The following LRRTM4 variants were observed in gnomAD, a reference collection of about 807,000 sequenced individuals.
LRRTM4 encodes leucine-rich repeat transmembrane neuronal protein 4.
A neutral mutation model predicts 47.6 loss-of-function variants in LRRTM4; 25 were observed. The ratio of observed to expected loss-of-function variants is 0.53; its 90% CI spans 0.38 to 0.73. LRRTM4 has a LOEUF of 0.73. LRRTM4 is among the 30% of genes least tolerant of loss of function. The probability of loss-of-function intolerance (pLI) is 0.00; values close to 1 mark genes in which losing one functional copy is unlikely to be tolerated. For synonymous variants in LRRTM4, 311 were observed against 269.5 expected, an observed-to-expected ratio of 1.15 and a Z score of -1.51; for missense variants, 638 against 713.4, an observed-to-expected ratio of 0.89 and a Z score of 1.20.
intron 3 of LRRTM4, among the ~76,000 whole-genome samples, chr2:77,064,585 G>C (rs116178120): frequency 0.014 from 2,180 of 152,244 alleles, 52 homozygotes; most frequent in African/African-American, 0.05. Flanking sequence ...AGAAGTATGT[G>C]CATATCTTAG....
At chr2:77,279,506 T>C (rs149944406) in intron 3 of LRRTM4, among the ~76,000 whole-genome samples, 34 of 152,110 alleles carry the variant, frequency 2.2e-4, no homozygotes, top group African/African-American at 8.2e-4. Flanking sequence ...ATAATTCATT[T>C]GTTGTTTAGC....
intron 3 of LRRTM4, among the ~76,000 whole-genome samples, chr2:76,794,702 G>GTGACATTT: frequency 6.6e-6 from 1 of 151,880 alleles, no homozygotes; most frequent in African/African-American, 2.4e-5. Context: ...CTTGACATTA[G>GTGACATTT]TGACATTTTT....
intron 3 of LRRTM4, among the ~76,000 whole-genome samples, chr2:77,480,838 A>T (rs1205681007): frequency 0.08 from 3,553 of 44,494 alleles, 70 homozygotes; most frequent in African/African-American, 0.14. Flanking sequence ...AGAGAGAGAG[A>T]GAGAGAGAGA....
intron 3 of LRRTM4, among the ~76,000 whole-genome samples, chr2:76,807,395 T>TATGTATATACGTATATATATATATATAC (rs1670523099): frequency 5.0e-5 from 6 of 120,086 alleles, no homozygotes; most frequent in South Asian, 5.0e-4. Flanking sequence ...TATATATATA[T>TATGTATATACGTATATATATATATATAC]ATATGTATAT....
At chr2:76,860,600 T>G (rs2104006939) in intron 3 of LRRTM4, among the ~76,000 whole-genome samples, 1 of 152,124 alleles carries the variant, frequency 6.6e-6, no homozygotes, top group Non-Finnish European at 1.5e-5. Context: ...ATAGGCTCAC[T>G]TAGGAGACCC....
intron 3 of LRRTM4, chr2:77,009,922 C>T (rs1033071913): frequency 9.3e-5 from 14 of 151,224 alleles, no homozygotes; most frequent in African/African-American, 2.9e-4. Context: ...GACAGTGTAC[C>T]GACAGTCTTC....
At chr2:77,408,173 T>C (rs1174014141) in intron 3 of LRRTM4, among the ~76,000 whole-genome samples, 1 of 152,202 alleles carries the variant, frequency 6.6e-6, no homozygotes, top group Non-Finnish European at 1.5e-5. Flanking sequence ...TCCTATCCTT[T>C]AATCCTGCCC....
intron 3 of LRRTM4, among the ~76,000 whole-genome samples, chr2:77,297,832 C>G (rs1421705387): frequency 3.3e-5 from 5 of 152,132 alleles, no homozygotes; most frequent in African/African-American, 1.2e-4. Flanking sequence ...TGAGCTTCTC[C>G]AAAACATCCA....
intron 3 of LRRTM4, among the ~76,000 whole-genome samples, chr2:77,125,571 A>G (rs1223556902): frequency 1.3e-5 from 2 of 152,182 alleles, no homozygotes; most frequent in Non-Finnish European, 2.9e-5. Flanking sequence ...TTCTGTGCTA[A>G]TAAGTTTACC....
At chr2:77,230,309 A>G (rs1674928621) in intron 3 of LRRTM4, among the ~76,000 whole-genome samples, 1 of 152,138 alleles carries the variant, frequency 6.6e-6, no homozygotes, top group African/African-American at 2.4e-5. Flanking sequence ...TGAGCTAAAT[A>G]CTGTTGGGCA....
chr2:76,961,798 T>G (rs1675870335), intron 3 of LRRTM4, among the ~76,000 whole-genome samples: 1 of 151,346 alleles, frequency 6.6e-6, no homozygotes, highest in Admixed American at 6.6e-5. Flanking sequence ...CATATGTATC[T>G]TATTTTCAAC....
At chr2:77,402,214 T>C (rs147404603) in intron 3 of LRRTM4, among the ~76,000 whole-genome samples, 33 of 152,064 alleles carry the variant, frequency 2.2e-4, no homozygotes, top group Non-Finnish European at 2.6e-4. Context: ...GATGTGATTA[T>C]AGGTTCCTGC....
chr2:77,019,108 C>A (rs571885461), intron 3 of LRRTM4, among the ~76,000 whole-genome samples: 1 of 151,878 alleles, frequency 6.6e-6, no homozygotes, highest in South Asian at 2.1e-4. Flanking sequence ...TGAAAAACTT[C>A]TTGAATGAAA....
chr2:77,364,418 G>A (rs1020428868), intron 3 of LRRTM4, among the ~76,000 whole-genome samples: 2 of 152,092 alleles, frequency 1.3e-5, no homozygotes, highest in African/African-American at 4.8e-5. Context: ...AAGAAAGGAT[G>A]TGTTACCAGC....
chr2:77,299,009 A>G (rs545418464), intron 3 of LRRTM4, among the ~76,000 whole-genome samples: 1 of 152,256 alleles, frequency 6.6e-6, no homozygotes, highest in African/African-American at 2.4e-5. Context: ...TTTATATAAA[A>G]CACAATACAA....
chr2:77,090,946 A>G (rs1207341366), intron 3 of LRRTM4, among the ~76,000 whole-genome samples: 1 of 151,924 alleles, frequency 6.6e-6, no homozygotes, highest in South Asian at 2.1e-4. Context: ...CTTAATCAAT[A>G]CGGAGGCTAC....
intron 3 of LRRTM4, among the ~76,000 whole-genome samples, chr2:76,889,332 A>G (rs913581009): frequency 2.0e-5 from 3 of 152,000 alleles, no homozygotes; most frequent in African/African-American, 7.2e-5. Flanking sequence ...TGTGAGTTAC[A>G]CATATTTTTA....
At chr2:76,879,344 C>T (rs1471317769) in intron 3 of LRRTM4, among the ~76,000 whole-genome samples, 1 of 152,158 alleles carries the variant, frequency 6.6e-6, no homozygotes, top group Admixed American at 6.5e-5. Context: ...TAAGTTGCAG[C>T]CAATGCTCAT....
intron 3 of LRRTM4, among the ~76,000 whole-genome samples, chr2:77,063,036 C>G (rs961617815): frequency 1.3e-5 from 2 of 151,266 alleles, no homozygotes; most frequent in Non-Finnish European, 2.9e-5. Flanking sequence ...CTCACTGCAA[C>G]CTCCACCTCC....
Sources: gnomAD v4.1 joint callset for allele counts (sites outside exome capture counted in the v4.1 genomes callset) on GRCh38, gnomAD v4.1.1 for gene constraint, MANE v1.5 for transcripts, NCBI Gene and HGNC (gene_info 2026-07-23, HGNC 2026-07-21) for gene names.